EXOSC7: variants seen among roughly 807,000 people sequenced by gnomAD.
EXOSC7 encodes exosome component 7.
In EXOSC7, 25 loss-of-function variants were observed where a neutral mutation model predicts 34.3. The observed-to-expected ratio is 0.73, with a 90% CI of 0.53 to 1.02. EXOSC7 has a LOEUF of 1.02. EXOSC7 is among the 50% of genes least tolerant of loss of function. The pLI, the probability that EXOSC7 is intolerant of heterozygous loss-of-function variation, is 0.00. For missense variants in EXOSC7, 370 were observed against 368.5 expected (o/e 1.00, Z -0.03); for synonymous variants, 130 against 143.0 (o/e 0.91, Z 0.65).
intron 6 of EXOSC7, 76 bp downstream of exon 6, chr3:45,005,490 T>G (rs1162768605): frequency 1.4e-6 from 2 of 1,469,080 alleles, no homozygotes; most frequent in Non-Finnish European, 1.9e-6. Context: ...CTGAGGTTAC[T>G]TAATAAGTTA....
At chr3:44,998,695 C>G (rs1289372688) in intron 4 of EXOSC7, among the ~76,000 whole-genome samples, 2 of 152,222 alleles carry the variant, frequency 1.3e-5, no homozygotes, top group Non-Finnish European at 2.9e-5. Flanking sequence ...TAACCATTAT[C>G]TAGCAGGTTA....
rs747182109 is a variant in EXOSC7, at chr3:44,997,196, A to C, written c.364A>C (p.Lys122Gln). 3.3e-5 allele frequency: 53 copies of C among 1,613,722 alleles called. No individual in the cohort carries two copies. The highest frequency in any genetic ancestry group is 1.0e-4 in the Admixed American group (6 of 59,944). The change falls in exon 4 of 8, where the codon AAG becomes CAG. Residue 122 changes from lysine to glutamine, a missense_variant. Physicochemically the swap from Lys to Gln is moderately conservative, Grantham distance 53. Around this residue, in one of 3 missense-constraint regions of EXOSC7, gnomAD observed 255 missense variants for 246.4 expected, o/e 1.03. Coordinates refer to ENST00000265564, the MANE Select transcript of EXOSC7 (RefSeq NM_015004.4). ...TAACAATAAAAGCAGTGTCGACTTA[A>C]AGACCCTCTGCATTAGTCCTCGGGA... is the stretch of plus-strand genomic sequence containing the variant. ...IFNNKSSVDL[K>Q]TLCISPREHC...
At chr3:44,994,484 T>G (rs1186857446) in intron 3 of EXOSC7, among the ~76,000 whole-genome samples, 1 of 152,136 alleles carries the variant, frequency 6.6e-6, no homozygotes, top group Admixed American at 6.5e-5. Context: ...GTAACCTTGC[T>G]GACCCCTATA....
At chr3:45,007,685 A>G in intron 7 of EXOSC7, 110 bp downstream of exon 7, 6 of 1,240,598 alleles carry the variant, frequency 4.8e-6, no homozygotes, top group Non-Finnish European at 6.6e-6. Context: ...CTTGACCCCA[A>G]ACTTGGAGAT....
rs548494423 is a variant in EXOSC7 at position 44,980,809 on chromosome 3, C to A, written c.57+4475C>A. Among the ~76,000 whole-genome samples the A allele has an allele frequency of 3.3e-5, 5 of 152,310 alleles. No individual in the cohort carries two copies. The South Asian group carries it at 1.0e-3, about 32-fold the overall frequency. On this transcript the variant is annotated intron_variant, in intron 1 of 7. Coordinates refer to ENST00000265564, the MANE Select transcript of EXOSC7 (RefSeq NM_015004.4). ...GCTGTATTGTTTTGGTTGCATTTTT[C>A]CCACATTGAGTATAAGTTCCTTTAG...
intron 5 of EXOSC7, 89 bp downstream of exon 5, chr3:45,001,697 T>C: frequency 1.1e-6 from 1 of 928,896 alleles, no homozygotes. Context: ...CTATTGTAGC[T>C]CATATGTGAA....
intron 3 of EXOSC7, among the ~76,000 whole-genome samples, chr3:44,991,308 A>G (rs1217929490): frequency 6.6e-6 from 1 of 152,016 alleles, no homozygotes; most frequent in African/African-American, 2.4e-5. Flanking sequence ...GTCCCATGGA[A>G]TTGGCCCATC....
At chr3:44,979,831 T>C (rs1706228521) in intron 1 of EXOSC7, among the ~76,000 whole-genome samples, 1 of 152,276 alleles carries the variant, frequency 6.6e-6, no homozygotes, top group Non-Finnish European at 1.5e-5. Context: ...TGTGTCACAC[T>C]TGGGAGAAGT....
At chr3:45,006,191 C>T (rs1173724270) in intron 6 of EXOSC7, among the ~76,000 whole-genome samples, 1 of 147,422 alleles carries the variant, frequency 6.8e-6, no homozygotes, top group Non-Finnish European at 1.5e-5. Flanking sequence ...AATTCTTCTG[C>T]CTCAGCCTCC....
intron 1 of EXOSC7, among the ~76,000 whole-genome samples, chr3:44,982,124 C>T (rs1235757148): frequency 6.6e-6 from 1 of 152,204 alleles, no homozygotes; most frequent in South Asian, 2.1e-4. Flanking sequence ...AATACCTTTA[C>T]TTTCGTGTGG....
At chr3:45,001,070 A>G (rs1706862178) in intron 4 of EXOSC7, among the ~76,000 whole-genome samples, 1 of 152,126 alleles carries the variant, frequency 6.6e-6, no homozygotes, top group Non-Finnish European at 1.5e-5. Context: ...GAGAAGCCAC[A>G]TGTTATCTTT....
Position 45,007,583 on chromosome 3 carries a change from C to T in EXOSC7, c.771+8C>T. The T allele has an allele frequency of 6.3e-7, 1 of 1,597,774 alleles. No homozygotes were observed. On this transcript the variant is annotated splice_region_variant and intron_variant, in intron 7 of 7. Transcript: ENST00000265564. ...ATCTTCGAGATGATGGAGGTGAGGC[C>T]TTAGTTCTGAGGAAGGTGCAGGGAC...
In EXOSC7 at chr3:44,989,563, T is replaced by C. The variant is rs995272605; in HGVS notation, c.173T>C (p.Ile58Thr). The C allele has an allele frequency of 1.1e-5, 18 of 1,613,912 alleles. No homozygotes were observed. The highest frequency in any genetic ancestry group is 1.5e-5 in the Non-Finnish European group (18 of 1,179,888). The change falls in exon 3 of 8, where the codon ATC becomes ACC. Residue 58 changes from isoleucine to threonine, a missense_variant. Around this residue, in one of 3 missense-constraint regions of EXOSC7, gnomAD observed 95 missense variants for 79.8 expected, o/e 1.19. Transcript: ENST00000265564. ...ATGTGTCTGCAGGGTCACACAGACATCTTGGTGGGAGTGAAAGCAGAAATG... is the reference window on the plus strand; with the variant it reads ...ATGTGTCTGCAGGGTCACACAGACACCTTGGTGGGAGTGAAAGCAGAAATG... ...SARVKLGHTDILVGVKAEMGT... is the reference protein window; with the variant it reads ...SARVKLGHTDTLVGVKAEMGT...
chr3:45,007,595 G>A lies in EXOSC7; in HGVS notation c.771+20G>A, dbSNP rs754702686. The A allele has an allele frequency of 1.3e-6, 2 of 1,587,576 alleles. No individual in the cohort carries two copies. Among genetic ancestry groups the A allele is most frequent in the African/African-American group, 2.7e-5 (2 of 74,674 alleles). On this transcript the variant is annotated intron_variant, in intron 7 of 7. Transcript: ENST00000265564. ...ATGGAGGTGAGGCCTTAGTTCTGAGGAAGGTGCAGGGACCTGGCCGGGGTG... is the reference window on the plus strand; with the variant it reads ...ATGGAGGTGAGGCCTTAGTTCTGAGAAAGGTGCAGGGACCTGGCCGGGGTG...
At chr3:45,012,494 G>A (rs867039730), downstream of EXOSC7, 2 of 152,140 alleles carry the variant, frequency 1.3e-5, no homozygotes, top group East Asian at 3.8e-4. Flanking sequence ...CATCTTTTAT[G>A]TTTCTTCAGT....
At chr3:45,002,892 G>T (rs1209030335) in intron 5 of EXOSC7, among the ~76,000 whole-genome samples, 1 of 152,186 alleles carries the variant, frequency 6.6e-6, no homozygotes. Flanking sequence ...AGATCCCACA[G>T]CAGTAGCTGG....
At chr3:44,987,324 A>G (rs1455009191) in intron 1 of EXOSC7, among the ~76,000 whole-genome samples, 5 of 152,258 alleles carry the variant, frequency 3.3e-5, no homozygotes, top group Non-Finnish European at 1.5e-5. Context: ...TTCTCTCAGA[A>G]CTATAGTGAT....
At chr3:44,997,976 C>T (rs1706768656) in intron 4 of EXOSC7, among the ~76,000 whole-genome samples, 1 of 152,002 alleles carries the variant, frequency 6.6e-6, no homozygotes, top group Non-Finnish European at 1.5e-5. Flanking sequence ...CTCCTCTACC[C>T]AGGTTTTGGC....
chr3:44,986,520 T>C (rs1201054016), intron 1 of EXOSC7, among the ~76,000 whole-genome samples: 1 of 152,154 alleles, frequency 6.6e-6, no homozygotes, highest in East Asian at 1.9e-4. Flanking sequence ...GGCTCCCACC[T>C]TGGCCAGCCC....
Sources: gnomAD v4.1 joint callset for allele counts (sites outside exome capture counted in the v4.1 genomes callset) on GRCh38, gnomAD v4.1.1 for gene constraint, gnomAD v4.1.1 regional missense constraint, MANE v1.5 for transcripts, NCBI Gene and HGNC (gene_info 2026-07-23, HGNC 2026-07-21) for gene names.